DPM1: variants seen among roughly 807,000 people sequenced by gnomAD.
DPM1 encodes dolichol-phosphate mannosyltransferase subunit 1.
A neutral mutation model predicts 39.0 loss-of-function variants in DPM1; 27 were observed. The observed-to-expected ratio is 0.69, with a 90% CI of 0.51 to 0.95. The LOEUF (loss-of-function observed/expected upper bound fraction) is 0.95. Ranked by LOEUF, DPM1 falls within the 40% of genes least tolerant of loss-of-function variation. The probability of loss-of-function intolerance (pLI) is 0.00; values close to 1 mark genes in which losing one functional copy is unlikely to be tolerated. For synonymous variants in DPM1, 124 were observed against 109.0 expected (o/e 1.14, Z -0.86); for missense variants, 307 against 315.6 (o/e 0.97, Z 0.21).
At chr20:50,951,425 T>C (rs921832283) in intron 2 of DPM1, among the ~76,000 whole-genome samples, 2 of 152,114 alleles carry the variant, frequency 1.3e-5, no homozygotes, top group Non-Finnish European at 2.9e-5. Context: ...TACACACATA[T>C]ATGCACAAAA....
chr20:50,947,553 T>A (rs1048320535), intron 3 of DPM1, among the ~76,000 whole-genome samples: 9 of 152,374 alleles, frequency 5.9e-5, no homozygotes, highest in African/African-American at 2.2e-4. Context: ...TTAGCACAAA[T>A]AAAGGCAGAG....
chr20:50,950,578 G>A (rs1287844998), intron 2 of DPM1, among the ~76,000 whole-genome samples: 2 of 152,118 alleles, frequency 1.3e-5, no homozygotes, highest in African/African-American at 4.8e-5. Context: ...TTTAAAAAAA[G>A]ATAACTTTGG....
Position 50,935,138 on chromosome 20 carries a change from A to G in DPM1, c.777T>C (p.Thr259=). ...FLKGLLTLFA[T]T is the part of the protein sequence containing the mutation. ...ATAAATGAGTATCTTTCTTTTATGT[A>G]GTAGCAAAAAGAGTCAATAATCCTT... Residue 259 remains threonine (T), a synonymous_variant, in exon 9 of 9, where the codon ACT becomes ACC. Coordinates refer to ENST00000371588, the MANE Select transcript of DPM1 (RefSeq NM_003859.3). The G allele has an allele frequency of 1.3e-6, 2 of 1,547,468 alleles. No individual in the cohort carries two copies. The highest frequency in any genetic ancestry group is 1.8e-6 in the Non-Finnish European group (2 of 1,120,596).
At chr20:50,943,976 G>A (rs1327588237) in intron 5 of DPM1, among the ~76,000 whole-genome samples, 1 of 150,684 alleles carries the variant, frequency 6.6e-6, no homozygotes, top group East Asian at 2.0e-4. Context: ...TCCTGACCTC[G>A]TGATCCGCCC....
At chr20:50,947,954 G>C (rs1568769368) in intron 3 of DPM1, among the ~76,000 whole-genome samples, 1 of 152,158 alleles carries the variant, frequency 6.6e-6, no homozygotes, top group East Asian at 1.9e-4. Flanking sequence ...TTTTAAACTT[G>C]TAACTTAAAG....
chr20:50,952,272 G>A (rs915119665), intron 2 of DPM1, among the ~76,000 whole-genome samples: 6 of 152,180 alleles, frequency 3.9e-5, no homozygotes, highest in African/African-American at 1.4e-4. Flanking sequence ...TAATTTGTTT[G>A]ACAAGAACCT....
intron 3 of DPM1, among the ~76,000 whole-genome samples, chr20:50,946,842 T>A (rs6096200): frequency 2.0e-5 from 3 of 151,862 alleles, no homozygotes; most frequent in East Asian, 2.0e-4. Context: ...GAGGCTGAGA[T>A]GGGTGGATCA....
intron 7 of DPM1, among the ~76,000 whole-genome samples, chr20:50,939,254 C>T (rs1471962494): frequency 1.3e-5 from 2 of 152,200 alleles, no homozygotes; most frequent in African/African-American, 4.8e-5. Flanking sequence ...TATTCAAAAC[C>T]ATCAAAACTG....
intron 1 of DPM1, 114 bp from the exon 2 acceptor site, chr20:50,955,399 C>T (rs1211960481): frequency 1.3e-6 from 1 of 757,550 alleles, no homozygotes; most frequent in South Asian, 1.6e-5. Flanking sequence ...CTATATTAAT[C>T]GTTGAGGAAA....
chr20:50,950,211 T>C (rs1384486458), intron 2 of DPM1, among the ~76,000 whole-genome samples: 2 of 152,186 alleles, frequency 1.3e-5, no homozygotes, highest in East Asian at 3.8e-4. Context: ...ACAATCTAAC[T>C]CTAACTGCTA....
At chr20:50,940,809 T>G (rs1476835837) in intron 7 of DPM1, 56 bp downstream of exon 7, 40 of 1,338,076 alleles carry the variant, frequency 3.0e-5, no homozygotes, top group Non-Finnish European at 1.1e-6. Flanking sequence ...AAAATATCCA[T>G]TGTAAAGAAA....
In DPM1 at chr20:50,942,100, A is replaced by C; in HGVS notation, c.425T>G (p.Ile142Ser). ...IRKQKEGNFD[I>S]VSGTRYKGNG... Reference sequence around the variant, plus strand: ...TCCTTTGTAGCGAGTTCCAGAGACAATATCAAAATTACCCTCCTTTTGCTT... The same window carrying C: ...TCCTTTGTAGCGAGTTCCAGAGACACTATCAAAATTACCCTCCTTTTGCTT... The change falls in exon 6 of 9, where the codon ATT (isoleucine) becomes AGT (serine). Residue 142 changes from isoleucine (I) to serine (S), a missense_variant. This residue lies in a region of DPM1 where 206 missense variants were observed against 188.2 expected (regional missense o/e 1.09). Coordinates refer to ENST00000371588, the MANE Select transcript of DPM1 (RefSeq NM_003859.3). 6.2e-7 allele frequency: 1 copy of C among 1,614,124 alleles called. No individual in the cohort carries two copies. Among genetic ancestry groups the C allele is most frequent in the Non-Finnish European group, 8.5e-7 (1 of 1,180,026 alleles).
At chr20:50,949,638 G>A (rs929071587) in intron 2 of DPM1, among the ~76,000 whole-genome samples, 1 of 152,088 alleles carries the variant, frequency 6.6e-6, no homozygotes. Context: ...TGAGGTATGG[G>A]GTTCAGGGAG....
At position 50,945,724 on chromosome 20, in the gene DPM1, A is replaced by C. The variant is rs201703497; in HGVS notation, c.398+13T>G. ...CAGTCATATTTCTTTCAAATATTAG[A>C]AATAGTACCTACCTAATAAATTCAG... On this transcript the variant is annotated intron_variant, in intron 5 of 8. Coordinates refer to ENST00000371588, the MANE Select transcript of DPM1 (RefSeq NM_003859.3). 1 of 1,544,722 alleles carries C rather than the reference A, an allele frequency of 6.5e-7. No individual in the cohort carries two copies. The highest frequency in any genetic ancestry group is 1.4e-5 in the African/African-American group (1 of 73,518).
intron 1 of DPM1, among the ~76,000 whole-genome samples, chr20:50,957,162 A>G (rs1360310023): frequency 6.6e-6 from 1 of 152,240 alleles, no homozygotes. Context: ...CTGAGGGGCA[A>G]GGCATATGAA....
At chr20:50,942,393 C>A (rs1190171713) in intron 5 of DPM1, among the ~76,000 whole-genome samples, 1 of 151,974 alleles carries the variant, frequency 6.6e-6, no homozygotes, top group Admixed American at 6.6e-5. Context: ...GTAATCCCAG[C>A]TACTCAGGAG....
intron 5 of DPM1, among the ~76,000 whole-genome samples, chr20:50,945,359 G>T (rs963518441): frequency 4.0e-5 from 6 of 151,304 alleles, no homozygotes; most frequent in Non-Finnish European, 8.8e-5. Flanking sequence ...TAGAGACAAG[G>T]TCTCACTCTG....
chr20:50,946,279 G>C (rs1986280719), intron 3 of DPM1, among the ~76,000 whole-genome samples: 1 of 152,162 alleles, frequency 6.6e-6, no homozygotes, highest in South Asian at 2.1e-4. Context: ...ATCCCCCTAA[G>C]ACACTGATGA....
At chr20:50,950,422 A>G (rs1986515432) in intron 2 of DPM1, among the ~76,000 whole-genome samples, 1 of 152,230 alleles carries the variant, frequency 6.6e-6, no homozygotes, top group Admixed American at 6.5e-5. Context: ...AGCAGGATAT[A>G]TCAGATCACA....
Sources: allele counts gnomAD v4.1 joint callset (sites outside exome capture counted in the v4.1 genomes callset), GRCh38; gene constraint gnomAD v4.1.1; regional missense constraint gnomAD v4.1.1; transcripts MANE v1.5; gene names NCBI Gene and HGNC (gene_info 2026-07-23, HGNC 2026-07-21).